Variants in ADAM32 observed in about 807,000 individuals in gnomAD.
ADAM32 encodes disintegrin and metalloproteinase domain-containing protein 32.
A neutral mutation model predicts 114.9 loss-of-function variants in ADAM32; 89 were observed. That is an observed-to-expected ratio of 0.77 (90% CI 0.65 to 0.92). The LOEUF (loss-of-function observed/expected upper bound fraction) is 0.92, where lower values mean the gene tolerates loss of function less well. ADAM32 is among the 40% of genes least tolerant of loss of function. The pLI is 0.00. For synonymous variants in ADAM32, 285 were observed against 307.5 expected (o/e 0.93, Z 0.77); for missense variants, 870 against 932.8 (o/e 0.93, Z 0.88).
intron 14 of ADAM32, among the ~76,000 whole-genome samples, chr8:39,231,451 C>T (rs975636303): frequency 1.3e-5 from 2 of 152,088 alleles, no homozygotes; most frequent in East Asian, 3.9e-4. Context: ...CAGAGAAAAC[C>T]TGTATGCCTT....
At chr8:39,267,050 G>T (rs1321548541) in intron 19 of ADAM32, among the ~76,000 whole-genome samples, 3 of 152,226 alleles carry the variant, frequency 2.0e-5, no homozygotes, top group Admixed American at 1.3e-4. Context: ...TTCCCAGTCT[G>T]CTGGCAACAA....
At chr8:39,185,366 A>AACAG (rs1806168270) in intron 10 of ADAM32, among the ~76,000 whole-genome samples, 1 of 151,884 alleles carries the variant, frequency 6.6e-6, no homozygotes, top group African/African-American at 2.4e-5. Flanking sequence ...AAAACAAACA[A>AACAG]ACAAACAAAA....
At chr8:39,148,927 C>G (rs1167283047) in intron 4 of ADAM32, among the ~76,000 whole-genome samples, 1 of 152,144 alleles carries the variant, frequency 6.6e-6, no homozygotes, top group Non-Finnish European at 1.5e-5. Flanking sequence ...GAGACCAACT[C>G]TATACAATTT....
chr8:39,126,643 C>G (rs1244580057), intron 2 of ADAM32, among the ~76,000 whole-genome samples: 1 of 152,110 alleles, frequency 6.6e-6, no homozygotes, highest in African/African-American at 2.4e-5. Context: ...TTCCTTTCTT[C>G]CTATTTGAAC....
intron 10 of ADAM32, 136 bp from the exon 11 acceptor site, chr8:39,186,773 T>G (rs537896916): frequency 1.5e-6 from 1 of 660,602 alleles, no homozygotes; most frequent in East Asian, 3.0e-5. Context: ...CTTCAGCTTC[T>G]CACCTGTTCA....
intron 15 of ADAM32, 123 bp downstream of exon 15, chr8:39,232,258 C>T (rs1304563781): frequency 3.3e-5 from 22 of 661,604 alleles, no homozygotes; most frequent in Non-Finnish European, 5.0e-5. Context: ...GAGTGAACCT[C>T]AAATCAAAAT....
intron 22 of ADAM32, among the ~76,000 whole-genome samples, chr8:39,279,389 A>G (rs966513628): frequency 8.6e-5 from 13 of 152,040 alleles, no homozygotes; most frequent in Non-Finnish European, 1.6e-4. Context: ...GGTTCAGGCA[A>G]TTCTCTGCCT....
At chr8:39,131,669 C>T (rs1208366216) in intron 2 of ADAM32, among the ~76,000 whole-genome samples, 2 of 152,228 alleles carry the variant, frequency 1.3e-5, no homozygotes, top group Admixed American at 6.5e-5. Context: ...TGTGCACTTA[C>T]AATTTTTATG....
chr8:39,203,962 C>T (rs1807627662), intron 11 of ADAM32, among the ~76,000 whole-genome samples: 1 of 152,164 alleles, frequency 6.6e-6, no homozygotes, highest in Non-Finnish European at 1.5e-5. Flanking sequence ...TATTGGCCCC[C>T]ACTCTCTTCT....
intron 11 of ADAM32, among the ~76,000 whole-genome samples, chr8:39,203,953 A>G (rs1182448177): frequency 2.6e-5 from 4 of 152,124 alleles, no homozygotes; most frequent in African/African-American, 9.7e-5. Flanking sequence ...AATGTTGAAT[A>G]TTGGCCCCCA....
At chr8:39,249,601 A>T (rs7357360) in intron 17 of ADAM32, among the ~76,000 whole-genome samples, 77,232 of 151,988 alleles carry the variant, frequency 0.51, 21,527 homozygotes, top group African/African-American at 0.76. Flanking sequence ...CTTAAGTGTT[A>T]GGTAGAATTT....
chr8:39,251,594 C>T (rs1404924074), intron 17 of ADAM32, among the ~76,000 whole-genome samples: 1 of 151,408 alleles, frequency 6.6e-6, no homozygotes, highest in Non-Finnish European at 1.5e-5. Context: ...GTTATTTGAG[C>T]TCCTTATATA....
At chr8:39,221,353 C>G (rs774453325) in intron 12 of ADAM32, 2 of 348,140 alleles carry the variant, frequency 5.7e-6, no homozygotes, top group Non-Finnish European at 1.0e-5. Flanking sequence ...TTTATCCATT[C>G]TGACATTCTC....
intron 11 of ADAM32, among the ~76,000 whole-genome samples, 163 bp downstream of exon 11, chr8:39,187,208 T>C (rs1039759596): frequency 6.6e-6 from 1 of 152,204 alleles, no homozygotes; most frequent in Non-Finnish European, 1.5e-5. Flanking sequence ...AAGTATAAAC[T>C]AAAGATAATC....
At chr8:39,114,864 C>T (rs1246618874) in intron 1 of ADAM32, among the ~76,000 whole-genome samples, 1 of 152,156 alleles carries the variant, frequency 6.6e-6, no homozygotes, top group Non-Finnish European at 1.5e-5. Context: ...AGTCCTCTCC[C>T]TCCTCCCATC....
At chr8:39,162,028 T>C (rs930816850) in intron 7 of ADAM32, among the ~76,000 whole-genome samples, 5 of 149,040 alleles carry the variant, frequency 3.4e-5, no homozygotes, top group East Asian at 3.9e-4. Context: ...ATATTTATTA[T>C]ACTTTAAGTT....
chr8:39,205,712 C>T (rs914703247), intron 11 of ADAM32, among the ~76,000 whole-genome samples: 3 of 152,236 alleles, frequency 2.0e-5, no homozygotes, highest in African/African-American at 4.8e-5. Context: ...TTCTGCGTTG[C>T]TCAGGCTGTG....
At chr8:39,280,061 C>T (rs1813331848) in intron 22 of ADAM32, among the ~76,000 whole-genome samples, 1 of 152,176 alleles carries the variant, frequency 6.6e-6, no homozygotes, top group Admixed American at 6.5e-5. Context: ...TTTCACTTGC[C>T]TGAGAAAATT....
rs573467749 is a variant in ADAM32, at chr8:39,245,213, G to A, written c.1819-870G>A. 2.6e-5 allele frequency among the ~76,000 whole-genome samples: 4 copies of A among 152,138 alleles called. No homozygotes were observed. The East Asian group carries it at 5.8e-4, about 22-fold the overall frequency. On this transcript the variant is annotated intron_variant, in intron 16 of 24. Transcript: ENST00000379907. ...GTGAAGTAACTCAGGAATGGAAAAC[G>A]TAACATCATATGTTCTCACTCACAA...
Sources: gnomAD v4.1 joint callset for allele counts (sites outside exome capture counted in the v4.1 genomes callset) on GRCh38, gnomAD v4.1.1 for gene constraint, MANE v1.5 for transcripts, NCBI Gene and HGNC (gene_info 2026-07-23, HGNC 2026-07-21) for gene names.